SNX13: variants seen among roughly 807,000 people sequenced by gnomAD.
SNX13 encodes the protein sorting nexin 13.
In SNX13, 45 loss-of-function variants were observed where a neutral mutation model predicts 133.6. That is an observed-to-expected ratio of 0.34 (90% CI 0.27 to 0.43). The LOEUF is 0.43. Ranked by LOEUF, SNX13 falls within the 20% of genes least tolerant of loss-of-function variation. SNX13 has a pLI of 1.00. For synonymous variants in SNX13, 414 were observed against 373.9 expected (o/e 1.11, Z -1.24); for missense variants, 1,032 against 1,145.1 (o/e 0.90, Z 1.43).
chr7:17,873,503 T>C, intron 8 of SNX13, 25 bp downstream of exon 8: 1 of 1,479,484 alleles, frequency 6.8e-7, no homozygotes, highest in Non-Finnish European at 9.0e-7. Flanking sequence ...TTTGCAGGTA[T>C]GATATGGTAT....
intron 11 of SNX13, among the ~76,000 whole-genome samples, chr7:17,846,677 A>G (rs544269799): frequency 6.6e-6 from 1 of 152,204 alleles, no homozygotes; most frequent in East Asian, 1.9e-4. Context: ...AAAAAAAAAA[A>G]CAAATCCATC....
At chr7:17,897,626 C>T (rs1435188790) in intron 1 of SNX13, among the ~76,000 whole-genome samples, 180 bp from the exon 2 acceptor site, 1 of 151,950 alleles carries the variant, frequency 6.6e-6, no homozygotes, top group African/African-American at 2.4e-5. Flanking sequence ...AAACAATATA[C>T]AAAATTTATA....
chr7:17,873,660 AG>A, intron 7 of SNX13, 44 bp from the exon 8 acceptor site: 1 of 1,192,402 alleles, frequency 8.4e-7, no homozygotes, highest in South Asian at 1.5e-5. Flanking sequence ...GAAAATATAA[AG>A]TCTACACTTC....
chr7:17,805,250 T>TGTGTGTGTGCGCGCGCGCGCGCGC, intron 20 of SNX13, among the ~76,000 whole-genome samples: 4 of 95,558 alleles, frequency 4.2e-5, no homozygotes, highest in South Asian at 3.0e-4. Flanking sequence ...TGTGTGTGTG[T>TGTGTGTGTGCGCGCGCGCGCGCGC]GCGTGCGCGC....
chr7:17,850,194 T>G (rs1791043218), intron 11 of SNX13, among the ~76,000 whole-genome samples, 153 bp downstream of exon 11: 1 of 152,242 alleles, frequency 6.6e-6, no homozygotes, highest in East Asian at 1.9e-4. Flanking sequence ...AACAAATATT[T>G]ATATCACATT....
At chr7:17,939,776 A>G (rs531794712) in intron 1 of SNX13, among the ~76,000 whole-genome samples, 35 of 152,350 alleles carry the variant, frequency 2.3e-4, no homozygotes, top group African/African-American at 7.7e-4. Context: ...TTGAGATAAA[A>G]AAGTCCACTT....
intron 22 of SNX13, 75 bp from the exon 23 acceptor site, chr7:17,799,229 G>T: frequency 1.6e-6 from 2 of 1,218,586 alleles, no homozygotes; most frequent in Non-Finnish European, 2.2e-6. Flanking sequence ...TTGCTTTTAC[G>T]AAATGATTGA....
chr7:17,912,010 T>TC (rs1799035243), intron 1 of SNX13, among the ~76,000 whole-genome samples: 1 of 152,182 alleles, frequency 6.6e-6, no homozygotes. Flanking sequence ...CAGATTTTTT[T>TC]CCCAAGATTG....
chr7:17,940,120 A>C (rs1181700914), intron 1 of SNX13, among the ~76,000 whole-genome samples, 164 bp downstream of exon 1: 1 of 151,884 alleles, frequency 6.6e-6, no homozygotes. Context: ...GAGTCAGCAC[A>C]GCTCCTACTC....
At chr7:17,926,697 A>G (rs1321026461) in intron 1 of SNX13, among the ~76,000 whole-genome samples, 2 of 152,102 alleles carry the variant, frequency 1.3e-5, no homozygotes, top group African/African-American at 4.8e-5. Context: ...GATCAGCCTA[A>G]GCAACATGGT....
At chr7:17,809,416 C>T (rs1291934128) in intron 20 of SNX13, among the ~76,000 whole-genome samples, 1 of 151,456 alleles carries the variant, frequency 6.6e-6, no homozygotes, top group Admixed American at 6.6e-5. Context: ...GGGATCAATG[C>T]AACAAGAGCT....
At chr7:17,797,351 C>A (rs1000503027) in intron 24 of SNX13, among the ~76,000 whole-genome samples, 2 of 151,810 alleles carry the variant, frequency 1.3e-5, no homozygotes, top group African/African-American at 4.8e-5. Context: ...TATGCCATCC[C>A]ACTCCTCTTA....
chr7:17,854,860 CAT>C (rs1177124314), intron 9 of SNX13, among the ~76,000 whole-genome samples: 1 of 152,112 alleles, frequency 6.6e-6, no homozygotes, highest in Admixed American at 6.5e-5. Context: ...GGAAGAGCCA[CAT>C]ATCTTTCATT....
intron 18 of SNX13, among the ~76,000 whole-genome samples, chr7:17,819,394 T>C (rs1474917495): frequency 6.6e-6 from 1 of 151,990 alleles, no homozygotes; most frequent in Non-Finnish European, 1.5e-5. Context: ...GCCCAGCTAA[T>C]TTTTTGTATT....
intron 21 of SNX13, among the ~76,000 whole-genome samples, chr7:17,802,176 G>A (rs1441690518): frequency 6.6e-6 from 1 of 151,996 alleles, no homozygotes; most frequent in East Asian, 1.9e-4. Flanking sequence ...GCCTAGGTGA[G>A]AAGTAGGTTT....
intron 9 of SNX13, among the ~76,000 whole-genome samples, chr7:17,857,651 G>T (rs978101061): frequency 1.4e-4 from 22 of 152,088 alleles, no homozygotes; most frequent in Non-Finnish European, 2.8e-4. Context: ...GGGCATGCTG[G>T]CGGGCATCTG....
At chr7:17,859,163 T>C (rs2128335953) in intron 9 of SNX13, among the ~76,000 whole-genome samples, 1 of 152,052 alleles carries the variant, frequency 6.6e-6, no homozygotes, top group Admixed American at 6.5e-5. Flanking sequence ...TACCAAGTCA[T>C]AACCTAGGGA....
At chr7:17,854,306 G>T (rs1480404575) in intron 9 of SNX13, among the ~76,000 whole-genome samples, 1 of 152,192 alleles carries the variant, frequency 6.6e-6, no homozygotes, top group Non-Finnish European at 1.5e-5. Context: ...CTAGGCATAT[G>T]ATGACAACTT....
chr7:17,815,233 T>C (rs1255630380), intron 19 of SNX13, among the ~76,000 whole-genome samples: 1 of 152,226 alleles, frequency 6.6e-6, no homozygotes, highest in Non-Finnish European at 1.5e-5. Context: ...TTACAGCTTA[T>C]ACTAAGAAGA....
Sources: allele counts gnomAD v4.1 joint callset (sites outside exome capture counted in the v4.1 genomes callset), GRCh38; gene constraint gnomAD v4.1.1; transcripts MANE v1.5; gene names NCBI Gene and HGNC (gene_info 2026-07-23, HGNC 2026-07-21).